Variants in GABARAPL2 observed in about 807,000 individuals in gnomAD.
GABARAPL2 encodes the protein gamma-aminobutyric acid receptor-associated protein-like 2.
In GABARAPL2, 11 loss-of-function variants were observed where a neutral mutation model predicts 16.9. That is an observed-to-expected ratio of 0.65 (90% CI 0.41 to 1.08). The LOEUF (loss-of-function observed/expected upper bound fraction) is 1.08. GABARAPL2 is among the 50% of genes least tolerant of loss of function. The pLI is 0.00. For synonymous variants in GABARAPL2, 57 were observed against 50.7 expected (o/e 1.12, Z -0.53); for missense variants, 134 against 142.5 (o/e 0.94, Z 0.30).
intron 3 of GABARAPL2, among the ~76,000 whole-genome samples, chr16:75,569,334 G>T (rs548715759): frequency 6.6e-6 from 1 of 152,300 alleles, no homozygotes; most frequent in South Asian, 2.1e-4. Context: ...AGACACCCCA[G>T]GGCCTGCCCA....
At position 75,566,515 on chromosome 16, in the gene GABARAPL2, C is replaced by T. The variant is rs766079195; in HGVS notation, c.29C>T (p.Ser10Leu). The change falls in exon 1 of 4, where the codon TCG becomes TTG. Residue 10 changes from serine to leucine, a missense_variant. Ser to Leu is a moderately radical substitution (Grantham distance 145, BLOSUM62 -2). Coordinates refer to ENST00000037243, the MANE Select transcript of GABARAPL2 (RefSeq NM_007285.7). ...AAGTGGATGTTCAAGGAGGACCACT[C>T]GCTGGGTAAGCACTTGGTCGTCGGC... MKWMFKEDH[S>L]LEHRCVESAK... 3 of 1,608,712 alleles carry T rather than the reference C, an allele frequency of 1.9e-6. No individual in the cohort carries two copies. The highest frequency in any genetic ancestry group is 1.7e-6 in the Non-Finnish European group (2 of 1,178,224).
In GABARAPL2 at chr16:75,566,476, C is replaced by G. The variant is rs11556296; in HGVS notation, c.-11C>G. On this transcript the variant is annotated 5_prime_UTR_variant, in exon 1 of 4. Coordinates refer to ENST00000037243, the MANE Select transcript of GABARAPL2 (RefSeq NM_007285.7). ...TCCGCGAGCCGGTTCCGTCCCCTTC[C>G]CGCCGCCGCCATGAAGTGGATGTTC... is the stretch of plus-strand genomic sequence containing the variant. The G allele has an allele frequency of 1.2e-6, 2 of 1,602,134 alleles. No individual in the cohort carries two copies. The highest frequency in any genetic ancestry group is 1.7e-6 in the Non-Finnish European group (2 of 1,174,052).
chr16:75,570,059 C>G (rs2080906227), intron 3 of GABARAPL2, among the ~76,000 whole-genome samples: 1 of 152,158 alleles, frequency 6.6e-6, no homozygotes, highest in African/African-American at 2.4e-5. Flanking sequence ...TATCACCCTA[C>G]ACTTAATGCA....
intron 1 of GABARAPL2, 66 bp from the exon 2 acceptor site, chr16:75,566,786 G>C: frequency 6.9e-7 from 1 of 1,439,708 alleles, no homozygotes. Context: ...AGGAGGAGGA[G>C]GGCCGGGGGC....
In GABARAPL2 at chr16:75,566,863, G is replaced by A; in HGVS notation, c.46G>A (p.Val16Met). Reference sequence around the variant, plus strand: ...TGTTTCTCCCACAGAACACAGATGCGTGGAGTCCGCGAAGATTCGAGCGAA... The same window carrying A: ...TGTTTCTCCCACAGAACACAGATGCATGGAGTCCGCGAAGATTCGAGCGAA... ...KEDHSLEHRC[V>M]ESAKIRAKYP... The change falls in exon 2 of 4, where the codon GTG becomes ATG. Residue 16 changes from valine (V) to methionine (M), a missense_variant. Val to Met is a conservative substitution (Grantham distance 21, BLOSUM62 1). Coordinates refer to ENST00000037243, the MANE Select transcript of GABARAPL2 (RefSeq NM_007285.7). The A allele has an allele frequency of 3.1e-6, 5 of 1,613,420 alleles. No homozygotes were observed. Among genetic ancestry groups the A allele is most frequent in the Non-Finnish European group, 3.4e-6 (4 of 1,179,826 alleles).
chr16:75,571,663 G>C (rs972064359), intron 3 of GABARAPL2, among the ~76,000 whole-genome samples: 19 of 150,370 alleles, frequency 1.3e-4, no homozygotes, highest in Admixed American at 3.3e-4. Context: ...ACCTCTTTAA[G>C]GACAGGACTT....
intron 3 of GABARAPL2, chr16:75,575,616 A>AT (rs1009651122): frequency 6.6e-6 from 1 of 152,160 alleles, no homozygotes; most frequent in African/African-American, 2.4e-5. Flanking sequence ...CGCCCAGCTA[A>AT]TTTTTTGTAT....
intron 3 of GABARAPL2, among the ~76,000 whole-genome samples, chr16:75,573,056 T>C (rs975292052): frequency 6.6e-6 from 1 of 152,182 alleles, no homozygotes; most frequent in East Asian, 1.9e-4. Flanking sequence ...TGCTGCAGGA[T>C]CCTCAGGCAT....
At chr16:75,569,635 T>C (rs1028787428) in intron 3 of GABARAPL2, among the ~76,000 whole-genome samples, 2 of 152,206 alleles carry the variant, frequency 1.3e-5, no homozygotes, top group Non-Finnish European at 1.5e-5. Context: ...CTAGGACCTA[T>C]GGCATTGAGT....
intron 3 of GABARAPL2, among the ~76,000 whole-genome samples, chr16:75,575,005 C>G (rs2080939479): frequency 6.6e-6 from 1 of 152,004 alleles, no homozygotes; most frequent in Non-Finnish European, 1.5e-5. Flanking sequence ...GTACTCCAGC[C>G]CAAGCGACAG....
intron 3 of GABARAPL2, chr16:75,576,723 G>A (rs1040047173): frequency 6.5e-6 from 1 of 153,478 alleles, no homozygotes; most frequent in African/African-American, 2.4e-5. Context: ...CACACGTTTA[G>A]TTTGAAGAGT....
At position 75,567,886 on chromosome 16, in the gene GABARAPL2, G is replaced by T. The variant is rs529418437; in HGVS notation, c.91-151G>T. ...TATATCAATTCTTAACCTCCAGAGC[G>T]TGTGGTTTATTAAGCCAAAGACATA... On this transcript the variant is annotated intron_variant, in intron 2 of 3. Transcript: ENST00000037243. 82 of 558,988 alleles carry T rather than the reference G, an allele frequency of 1.5e-4. No individual in the cohort carries two copies. In the South Asian group the frequency reaches 2.1e-3, roughly 14 times the overall value. The allele number at this position is 558,988 out of a possible 1,614,324, so 34.6% of individuals were successfully genotyped here. A position where few individuals can be genotyped will look rare whatever the true frequency, so the allele number is the denominator to read the frequency against.
At position 75,577,331 on chromosome 16, in the gene GABARAPL2, T is replaced by C. The variant is rs1567446889; in HGVS notation, c.316T>C (p.Tyr106His). ...GGAAAAAGATGAAGATGGATTCTTATATGTGGCCTACAGCGGAGAGAACAC... is the reference window on the plus strand; with the variant it reads ...GGAAAAAGATGAAGATGGATTCTTACATGTGGCCTACAGCGGAGAGAACAC... ...EKEKDEDGFL[Y>H]VAYSGENTFG... is the part of the protein sequence containing the mutation. The change falls in exon 4 of 4, where the codon TAT (tyrosine) becomes CAT (histidine). Residue 106 changes from tyrosine (Y) to histidine (H), a missense_variant. By Grantham distance (83) the Tyr-to-His change is moderately conservative. Transcript: ENST00000037243. 3.7e-6 allele frequency: 6 copies of C among 1,612,922 alleles called. No individual in the cohort carries two copies. Among genetic ancestry groups the C allele is most frequent in the Admixed American group, 1.7e-5 (1 of 60,026 alleles).
rs1256777140 is a variant in GABARAPL2 at position 75,566,832 on chromosome 16, C to T, written c.35-20C>T. On this transcript the variant is annotated intron_variant, in intron 1 of 3. Transcript: ENST00000037243. ...CCGGTGGGCAGGCGCGGCCGTCAGC[C>T]CCGTTTGTTTCTCCCACAGAACACA... The T allele has an allele frequency of 6.2e-7, 1 of 1,610,842 alleles. No homozygotes were observed. The highest frequency in any genetic ancestry group is 2.2e-5 in the East Asian group (1 of 44,870).
chr16:75,566,960 C>G, intron 2 of GABARAPL2, 53 bp downstream of exon 2: 1 of 1,380,296 alleles, frequency 7.2e-7, no homozygotes, highest in Non-Finnish European at 1.0e-6. Flanking sequence ...CGTCTGGGAC[C>G]CGTGATAGGC....
Position 75,577,360 on chromosome 16 carries a change from T to C in GABARAPL2, c.345T>C (p.Phe115=), listed in dbSNP as rs1301150324. 3 of 1,605,516 alleles carry C rather than the reference T, an allele frequency of 1.9e-6. No individual in the cohort carries two copies. Among genetic ancestry groups the C allele is most frequent in the Non-Finnish European group, 2.6e-6 (3 of 1,172,094 alleles). The change falls in exon 4 of 4, where the codon TTT becomes TTC. Residue 115 remains phenylalanine, a synonymous_variant. Transcript: ENST00000037243. ...TGGCCTACAGCGGAGAGAACACTTT[T>C]GGCTTCTGAGGGCCATTGCTGGGCT... ...LYVAYSGENT[F]GF is the part of the protein sequence containing the mutation.
At chr16:75,572,859 T>C (rs1356486595) in intron 3 of GABARAPL2, among the ~76,000 whole-genome samples, 4 of 152,194 alleles carry the variant, frequency 2.6e-5, no homozygotes, top group South Asian at 2.1e-4. Context: ...GATGAATGCG[T>C]GTGGTACTTG....
intron 3 of GABARAPL2, among the ~76,000 whole-genome samples, chr16:75,570,207 C>T (rs148594143): frequency 0.014 from 2,089 of 152,246 alleles, 56 homozygotes; most frequent in African/African-American, 0.048. Flanking sequence ...GTGATCCTCT[C>T]ACCTCAGCCT....
chr16:75,568,147 G>T lies in GABARAPL2; in HGVS notation c.201G>T (p.Arg67Ser). ...VAQFMWIIRK[R>S]IQLPSEKAIF... ...AGTTCATGTGGATCATCAGGAAAAGGATCCAGCTTCCTTCTGAAAAGGCGA... is the reference window on the plus strand; with the variant it reads ...AGTTCATGTGGATCATCAGGAAAAGTATCCAGCTTCCTTCTGAAAAGGCGA... The change falls in exon 3 of 4, where the codon AGG becomes AGT. Residue 67 changes from arginine to serine, a missense_variant. By Grantham distance (110) the Arg-to-Ser change is moderately radical. Coordinates refer to ENST00000037243, the MANE Select transcript of GABARAPL2 (RefSeq NM_007285.7). The T allele has an allele frequency of 6.2e-7, 1 of 1,613,250 alleles. No homozygotes were observed. Among genetic ancestry groups the T allele is most frequent in the Non-Finnish European group, 8.5e-7 (1 of 1,179,228 alleles).
Sources: allele counts gnomAD v4.1 joint callset (sites outside exome capture counted in the v4.1 genomes callset), GRCh38; gene constraint gnomAD v4.1.1; transcripts MANE v1.5; gene names NCBI Gene and HGNC (gene_info 2026-07-23, HGNC 2026-07-21).